SAMD14: variants seen among roughly 807,000 people sequenced by gnomAD.
The protein encoded by SAMD14 is sterile alpha motif domain containing 14, also known as sterile alpha motif domain-containing protein 14.
SAMD14 carries 27 observed loss-of-function variants against 46.2 expected under a neutral mutation model. That is an observed-to-expected ratio of 0.58 (90% confidence interval 0.43 to 0.81). The LOEUF (loss-of-function observed/expected upper bound fraction) is 0.81, where lower values mean the gene tolerates loss of function less well. SAMD14 is among the 30% of genes least tolerant of loss of function. SAMD14 has a pLI of 0.00. For missense variants in SAMD14, 559 were observed against 582.2 expected (o/e 0.96, Z 0.41); for synonymous variants, 241 against 254.3 (o/e 0.95, Z 0.50).
chr17:50,125,837 C>T (rs1258899099), intron 1 of SAMD14, among the ~76,000 whole-genome samples: 1 of 152,202 alleles, frequency 6.6e-6, no homozygotes, highest in African/African-American at 2.4e-5. Flanking sequence ...GGAATACACA[C>T]AGCACACAAT....
At chr17:50,118,378 A>G in intron 2 of SAMD14, 51 bp from the exon 3 acceptor site, 3 of 1,596,366 alleles carry the variant, frequency 1.9e-6, no homozygotes, top group Non-Finnish European at 2.5e-6. Flanking sequence ...AGGTGACGGC[A>G]AGCCCAGAGG....
chr17:50,124,002 G>A (rs558113505), intron 2 of SAMD14: 22 of 443,526 alleles, frequency 5.0e-5, no homozygotes, highest in Non-Finnish European at 8.7e-5. Flanking sequence ...CATGACCAGG[G>A]GAGAGAGGGA....
Position 50,115,991 on chromosome 17 carries a change from G to A in SAMD14, c.587+12C>T, listed in dbSNP as rs771376391. 30 of 1,613,814 alleles carry A rather than the reference G, an allele frequency of 1.9e-5. No homozygotes were observed. Among genetic ancestry groups the A allele is most frequent in the South Asian group, 1.6e-4 (15 of 91,068 alleles). On this transcript the variant is annotated intron_variant, in intron 5 of 9. Coordinates refer to ENST00000330175, the MANE Select transcript of SAMD14 (RefSeq NM_001257359.2). This position sits in a 1 kb window ranked among gnomAD's most constrained non-coding sequence, Gnocchi z 5.3. ...GCTCCAAGCCCTGCGATCTAGCCCC[G>A]CCTCCACTCACCCCAGGTCCAGGAA...
Position 50,124,083 on chromosome 17 carries a change from C to T in SAMD14, c.43+834G>A, listed in dbSNP as rs7214598. Reference sequence around the variant, plus strand: ...CCCCTCGAGGAGCAGGCCGCTCTCACCCTCTCCCTCATTCCTCCAAGTTCC... The same window carrying T: ...CCCCTCGAGGAGCAGGCCGCTCTCATCCTCTCCCTCATTCCTCCAAGTTCC... On this transcript the variant is annotated intron_variant, in intron 2 of 9. Coordinates refer to ENST00000330175, the MANE Select transcript of SAMD14 (RefSeq NM_001257359.2). 2.0e-3 allele frequency: 905 copies of T among 456,156 alleles called. 8 individuals are homozygous for T. The highest frequency in any genetic ancestry group is 0.016 in the African/African-American group (822 of 50,172). 28.3% of individuals were successfully genotyped at this position (456,156 alleles called of 1,614,324 possible). A position where few individuals can be genotyped will look rare whatever the true frequency, so the allele number is the denominator to read the frequency against.
intron 4 of SAMD14, among the ~76,000 whole-genome samples, chr17:50,116,527 T>C (rs1911216779): frequency 6.6e-6 from 1 of 150,930 alleles, no homozygotes; most frequent in Non-Finnish European, 1.5e-5. Context: ...TGCCTCAGCC[T>C]CCTGAGTAGC....
chr17:50,121,317 C>CT (rs113621523), intron 2 of SAMD14, among the ~76,000 whole-genome samples: 75 of 144,674 alleles, frequency 5.2e-4, no homozygotes, highest in African/African-American at 6.6e-4. Flanking sequence ...AAGCACCTTT[C>CT]TTTTTTTTTT....
At chr17:50,118,360 C>T in intron 2 of SAMD14, 33 bp from the exon 3 acceptor site, 1 of 1,605,258 alleles carries the variant, frequency 6.2e-7, no homozygotes, top group Non-Finnish European at 8.5e-7. Context: ...AGAGACCAGA[C>T]ACATGAGAGG....
In SAMD14 at chr17:50,115,587, T is replaced by G; in HGVS notation, c.799A>C (p.Ser267Arg). Reference sequence around the variant, plus strand: ...ACCTGGGAAGCTGACTTCTTAGGGCTGAAGCCCTCGTGTTTAGGGGAGCAG... The same window carrying G: ...ACCTGGGAAGCTGACTTCTTAGGGCGGAAGCCCTCGTGTTTAGGGGAGCAG... The part of the protein sequence containing the change: ...PTCSPKHEGF[S>R]PKKSASQEST... Residue 267 changes from serine (S) to arginine (R), a missense_variant, in exon 7 of 10, where the codon AGC (serine) becomes CGC (arginine). By Grantham distance (110) the Ser-to-Arg change is moderately radical. Coordinates refer to ENST00000330175, the MANE Select transcript of SAMD14 (RefSeq NM_001257359.2). This position sits in a 1 kb window ranked among gnomAD's most constrained non-coding sequence, Gnocchi z 5.3. 1 of 1,568,852 alleles carries G rather than the reference T, an allele frequency of 6.4e-7. No homozygotes were observed. Among genetic ancestry groups the G allele is most frequent in the East Asian group, 2.3e-5 (1 of 44,380 alleles).
chr17:50,123,981 G>A, intron 2 of SAMD14: 1 of 419,786 alleles, frequency 2.4e-6, no homozygotes, highest in Non-Finnish European at 4.9e-6. Flanking sequence ...ATGGGAAGCA[G>A]CAGTTCCTGG....
At position 50,111,712 on chromosome 17, in the gene SAMD14, T is replaced by C. The variant is rs949306693; in HGVS notation, c.*1181A>G. 5 of 152,254 alleles carry C rather than the reference T, an allele frequency of 3.3e-5. No homozygotes were observed. Among genetic ancestry groups the C allele is most frequent in the African/African-American group, 1.2e-4 (5 of 41,434 alleles). The allele number at this position is 152,254 out of a possible 1,614,324, so 9.4% of individuals were successfully genotyped here. A position where few individuals can be genotyped will look rare whatever the true frequency, so the allele number is the denominator to read the frequency against. On this transcript the variant is annotated 3_prime_UTR_variant, in exon 10 of 10. Coordinates refer to ENST00000330175, the MANE Select transcript of SAMD14 (RefSeq NM_001257359.2). ...CTGACCAGTGTCCTGGAAGCGGGAC[T>C]AGCTGCTGACCAGCGCCACACATGA...
chr17:50,113,083 A>G (rs945018593), intron 9 of SAMD14, 35 bp from the exon 10 acceptor site: 2 of 1,605,968 alleles, frequency 1.2e-6, no homozygotes, highest in Admixed American at 1.7e-5. Flanking sequence ...AGAGAGTCCC[A>G]GAACCTTCCC....
At chr17:50,128,482 T>TCTCA (rs550871572) in intron 1 of SAMD14, among the ~76,000 whole-genome samples, 6,505 of 135,774 alleles carry the variant, frequency 0.048, 178 homozygotes, top group Non-Finnish European at 0.063. Flanking sequence ...GCACACTCTC[T>TCTCA]CACACACACA....
At chr17:50,122,242 A>G (rs1028948109) in intron 2 of SAMD14, among the ~76,000 whole-genome samples, 1 of 152,162 alleles carries the variant, frequency 6.6e-6, no homozygotes, top group Admixed American at 6.5e-5. Flanking sequence ...CTGTCTCCTC[A>G]TGCTGGCCTG....
Position 50,117,447 on chromosome 17 carries a change from G to C in SAMD14, c.459C>G (p.Ser153Arg). 7.3e-7 allele frequency: 1 copy of C among 1,366,442 alleles called. No individual in the cohort carries two copies. The highest frequency in any genetic ancestry group is 9.4e-7 in the Non-Finnish European group (1 of 1,067,214). The allele number at this position is 1,366,442 out of a possible 1,614,324, so 84.6% of individuals were successfully genotyped here. ...RSAPSSDSSP[S>R]FVRRHPRAEP... ...CTGCGCGCGGGTGGCGGCGCACGAA[G>C]CTGGGGGAGCTGTCGGAGGAGGGCG... is the stretch of plus-strand genomic sequence containing the variant. Residue 153 changes from serine to arginine, a missense_variant, in exon 4 of 10, where the codon AGC becomes AGG. Coordinates refer to ENST00000330175, the MANE Select transcript of SAMD14 (RefSeq NM_001257359.2).
At chr17:50,124,771 G>GTA in intron 2 of SAMD14, 146 bp downstream of exon 2, 1 of 567,466 alleles carries the variant, frequency 1.8e-6, no homozygotes, top group Non-Finnish European at 3.1e-6. Flanking sequence ...ACGCGCGCGC[G>GTA]CACACACACA....
rs1598227077 is a variant in SAMD14, at chr17:50,117,839, T to C, written c.211-144A>G. 3.4e-6 allele frequency: 3 copies of C among 889,686 alleles called. No individual in the cohort carries two copies. The East Asian group carries it at 9.9e-5, about 29-fold the overall frequency. 55.1% of individuals were successfully genotyped at this position (889,686 alleles called of 1,614,324 possible). ...TTTCCTCATGCCTTAGGCAGCGGGGTGGCTGGAGAGTGAGAGGTGGGAAAC... is the reference window on the plus strand; with the variant it reads ...TTTCCTCATGCCTTAGGCAGCGGGGCGGCTGGAGAGTGAGAGGTGGGAAAC... On this transcript the variant is annotated intron_variant, in intron 3 of 9. Coordinates refer to ENST00000330175, the MANE Select transcript of SAMD14 (RefSeq NM_001257359.2).
intron 2 of SAMD14, 28 bp downstream of exon 2, chr17:50,124,889 G>T: frequency 1.2e-6 from 2 of 1,611,888 alleles, no homozygotes; most frequent in South Asian, 1.1e-5. Flanking sequence ...GTGTCTATTG[G>T]CTAGAGATAG....
intron 2 of SAMD14, 146 bp downstream of exon 2, chr17:50,124,771 G>GCGCGCGCACGCA: frequency 5.3e-6 from 3 of 567,466 alleles, no homozygotes; most frequent in East Asian, 3.5e-5. Context: ...ACGCGCGCGC[G>GCGCGCGCACGCA]CACACACACA....
Position 50,112,920 on chromosome 17 carries a change from G to GCGC in SAMD14, c.1224_1226dup (p.Arg410dup). 6.2e-7 allele frequency: 1 copy of GCGC among 1,607,160 alleles called. No individual in the cohort carries two copies. Among genetic ancestry groups the GCGC allele is most frequent in the Non-Finnish European group, 8.5e-7 (1 of 1,179,876 alleles). On this transcript the variant is annotated inframe_insertion, in exon 10 of 10. Coordinates refer to ENST00000330175, the MANE Select transcript of SAMD14 (RefSeq NM_001257359.2). ...AGCTCTTCTTGGCCTCCTGCTCTCG[G>GCGC]CGCCGGAGCTTCTCCCGCTGCCGCG...
Sources: allele counts gnomAD v4.1 joint callset (sites outside exome capture counted in the v4.1 genomes callset), GRCh38; gene constraint gnomAD v4.1.1; non-coding constraint Gnocchi (gnomAD v3.1); transcripts MANE v1.5; gene names NCBI Gene and HGNC (gene_info 2026-07-23, HGNC 2026-07-21).